The following TBC1D12 variants were observed in gnomAD, a reference collection of about 807,000 sequenced individuals.
TBC1D12 encodes TBC1 domain family member 12.
Under a neutral mutation model 86.7 loss-of-function variants are expected in TBC1D12, and 56 were observed. The observed-to-expected ratio is 0.65, with a 90% CI of 0.52 to 0.81. The LOEUF is 0.81. Ranked by LOEUF, TBC1D12 falls within the 30% of genes least tolerant of loss-of-function variation. The probability of loss-of-function intolerance (pLI) is 0.00; values close to 1 mark genes in which losing one functional copy is unlikely to be tolerated. For missense variants in TBC1D12, 1,023 were observed against 1,038.8 expected, an observed-to-expected ratio of 0.98 and a Z score of 0.21; for synonymous variants, 421 against 411.7, an observed-to-expected ratio of 1.02 and a Z score of -0.27.
At position 94,412,930 on chromosome 10, in the gene TBC1D12, T is replaced by C. The variant is rs932373167; in HGVS notation, c.971+9346T>C. ...GAGGGTTGTTAAGAATGCAGATTCC[T>C]TGAGACCCAAGTAGATCCTGGGTGG... On this transcript the variant is annotated intron_variant, in intron 1 of 12. Transcript: ENST00000225235. Among the ~76,000 whole-genome samples, 26 of 152,174 alleles carry C rather than the reference T, an allele frequency of 1.7e-4. 1 individual carries two copies. The highest frequency in any genetic ancestry group is 4.4e-5 in the Non-Finnish European group (3 of 68,028).
chr10:94,434,485 G>A (rs1255394763), intron 1 of TBC1D12, among the ~76,000 whole-genome samples: 5 of 148,232 alleles, frequency 3.4e-5, no homozygotes, highest in East Asian at 2.0e-4. Flanking sequence ...CAGCCTGGAC[G>A]ACACAGCAAG....
rs1842499230 is a variant in TBC1D12, at chr10:94,534,213, T to G, written c.*1117T>G. On this transcript the variant is annotated 3_prime_UTR_variant, in exon 13 of 13. Coordinates refer to ENST00000225235, the MANE Select transcript of TBC1D12 (RefSeq NM_015188.2). ...TAAGGAGATTAGTCTTGTTATTGATTCTTTTATGTGTCAGTGCCATCTTAA... is the reference window on the plus strand; with the variant it reads ...TAAGGAGATTAGTCTTGTTATTGATGCTTTTATGTGTCAGTGCCATCTTAA... 2 of 152,202 alleles carry G rather than the reference T, an allele frequency of 1.3e-5. No individual in the cohort carries two copies. The highest frequency in any genetic ancestry group is 4.8e-5 in the African/African-American group (2 of 41,460). 9.4% of individuals were successfully genotyped at this position (152,202 alleles called of 1,614,324 possible).
intron 3 of TBC1D12, among the ~76,000 whole-genome samples, chr10:94,489,029 C>G (rs1196534147): frequency 6.6e-6 from 1 of 152,206 alleles, no homozygotes; most frequent in Non-Finnish European, 1.5e-5. Context: ...ACTGTGTCAT[C>G]TACTGCCCCA....
In TBC1D12 at chr10:94,410,196, T is replaced by A. The variant is rs973981992; in HGVS notation, c.971+6612T>A. Among the ~76,000 whole-genome samples the A allele has an allele frequency of 3.3e-5, 5 of 152,184 alleles. No homozygotes were observed. In the East Asian group the frequency reaches 9.6e-4, roughly 29 times the overall value. ...CTAGATATGATCTAACAAGATGGTATTAATTTAATATTGGAAATGAGTTAT... is the reference window on the plus strand; with the variant it reads ...CTAGATATGATCTAACAAGATGGTAATAATTTAATATTGGAAATGAGTTAT... On this transcript the variant is annotated intron_variant, in intron 1 of 12. Coordinates refer to ENST00000225235, the MANE Select transcript of TBC1D12 (RefSeq NM_015188.2).
chr10:94,479,262 A>G (rs1408174514), intron 3 of TBC1D12, among the ~76,000 whole-genome samples: 1 of 152,194 alleles, frequency 6.6e-6, no homozygotes, highest in Non-Finnish European at 1.5e-5. Context: ...AATATTACCC[A>G]GAGTACAATA....
At chr10:94,446,680 G>A (rs1323804755) in intron 2 of TBC1D12, among the ~76,000 whole-genome samples, 1 of 152,150 alleles carries the variant, frequency 6.6e-6, no homozygotes, top group African/African-American at 2.4e-5. Context: ...GCACACCACT[G>A]TGTCCTGCAG....
At chr10:94,471,590 T>C (rs2055907223) in intron 2 of TBC1D12, among the ~76,000 whole-genome samples, 1 of 152,224 alleles carries the variant, frequency 6.6e-6, no homozygotes, top group South Asian at 2.1e-4. Flanking sequence ...CCTGCTGACT[T>C]GTTCTTTTAA....
intron 5 of TBC1D12, among the ~76,000 whole-genome samples, chr10:94,498,151 A>G (rs914892253): frequency 6.6e-6 from 1 of 152,160 alleles, no homozygotes; most frequent in Non-Finnish European, 1.5e-5. Flanking sequence ...CTAACATACC[A>G]TCAATTGTAA....
intron 3 of TBC1D12, among the ~76,000 whole-genome samples, chr10:94,486,930 T>C (rs766089232): frequency 7.2e-5 from 11 of 152,220 alleles, no homozygotes; most frequent in Admixed American, 1.3e-4. Flanking sequence ...ATTATCGTAT[T>C]GAGGTGCATC....
At chr10:94,506,376 ACC>A (rs2056461092) in intron 6 of TBC1D12, among the ~76,000 whole-genome samples, 2 of 152,186 alleles carry the variant, frequency 1.3e-5, no homozygotes, top group Non-Finnish European at 2.9e-5. Flanking sequence ...TTCTTGTATT[ACC>A]TTTAAAAATG....
intron 1 of TBC1D12, among the ~76,000 whole-genome samples, chr10:94,438,794 GT>G (rs908580508): frequency 2.7e-5 from 4 of 147,672 alleles, no homozygotes; most frequent in South Asian, 2.1e-4. Flanking sequence ...GTTACTCTTA[GT>G]TTTTTTTTTT....
chr10:94,489,059 A>T (rs1475604442), intron 3 of TBC1D12, among the ~76,000 whole-genome samples: 1 of 152,098 alleles, frequency 6.6e-6, no homozygotes, highest in Non-Finnish European at 1.5e-5. Flanking sequence ...CTCTAAGCCC[A>T]GCATAGCATC....
intron 2 of TBC1D12, among the ~76,000 whole-genome samples, chr10:94,443,505 A>C (rs1334438125): frequency 6.6e-6 from 1 of 152,166 alleles, no homozygotes; most frequent in East Asian, 1.9e-4. Context: ...TTGGTACTTA[A>C]AACTGTGTGC....
At chr10:94,491,777 G>A (rs137957873) in intron 3 of TBC1D12, among the ~76,000 whole-genome samples, 4 of 152,084 alleles carry the variant, frequency 2.6e-5, no homozygotes, top group East Asian at 1.9e-4. Context: ...ATACCACAGC[G>A]CCTGTGTTCA....
At chr10:94,447,335 C>T (rs7073903) in intron 2 of TBC1D12, among the ~76,000 whole-genome samples, 1,852 of 152,074 alleles carry the variant, frequency 0.012, 54 homozygotes, top group African/African-American at 0.043. Flanking sequence ...TATATACACA[C>T]ACACACATCT....
At chr10:94,523,670 T>A (rs1290157898) in intron 11 of TBC1D12, among the ~76,000 whole-genome samples, 2 of 152,070 alleles carry the variant, frequency 1.3e-5, no homozygotes, top group African/African-American at 4.8e-5. Flanking sequence ...TTTCTCTAGC[T>A]TAAAAAAAAA....
At chr10:94,464,205 C>T (rs1284030820) in intron 2 of TBC1D12, among the ~76,000 whole-genome samples, 1 of 151,986 alleles carries the variant, frequency 6.6e-6, no homozygotes, top group African/African-American at 2.4e-5. Context: ...ATCTGATACC[C>T]TCTATTTTTT....
At chr10:94,506,785 G>C (rs368068177) in intron 6 of TBC1D12, among the ~76,000 whole-genome samples, 9 of 152,312 alleles carry the variant, frequency 5.9e-5, no homozygotes, top group East Asian at 5.8e-4. Context: ...TCGAGCATCT[G>C]TTGAAGTGCT....
chr10:94,493,082 AC>A (rs1437963133), intron 3 of TBC1D12, among the ~76,000 whole-genome samples: 1 of 151,906 alleles, frequency 6.6e-6, no homozygotes, highest in Non-Finnish European at 1.5e-5. Flanking sequence ...ACATAGTGAG[AC>A]CCCATCTCTA....
Sources: allele counts gnomAD v4.1 joint callset (sites outside exome capture counted in the v4.1 genomes callset), GRCh38; gene constraint gnomAD v4.1.1; transcripts MANE v1.5; gene names NCBI Gene and HGNC (gene_info 2026-07-23, HGNC 2026-07-21).